Variants in TNNI3K observed in about 807,000 individuals in gnomAD.
TNNI3K encodes the protein TNNI3 interacting kinase, also known as serine/threonine-protein kinase TNNI3K.
In TNNI3K, 140 loss-of-function variants were observed where a neutral mutation model predicts 114.5. That is an observed-to-expected ratio of 1.22 (90% CI 1.07 to 1.41). The LOEUF is 1.41. TNNI3K is among the 40% of genes most tolerant of loss of function. The pLI is 0.00. For missense variants in TNNI3K, 1,125 were observed against 1,007.6 expected (o/e 1.12, Z -1.58); for synonymous variants, 347 against 347.5 (o/e 1.00, Z 0.02).
intron 11 of TNNI3K, chr1:74,366,796 T>C (rs1279191550): frequency 6.6e-6 from 1 of 152,188 alleles, no homozygotes; most frequent in Non-Finnish European, 1.5e-5. Flanking sequence ...ATTATCTTAG[T>C]GCTGCATAAT....
intron 5 of TNNI3K, among the ~76,000 whole-genome samples, chr1:74,318,886 C>T (rs954602531): frequency 1.1e-4 from 16 of 152,062 alleles, no homozygotes; most frequent in African/African-American, 3.4e-4. Context: ...ACAAGTAAGT[C>T]GTAAGTAACT....
chr1:74,413,219 TA>T (rs761846580), intron 17 of TNNI3K, among the ~76,000 whole-genome samples: 16 of 152,270 alleles, frequency 1.1e-4, no homozygotes, highest in South Asian at 6.2e-4. Context: ...CAGGCTCTTC[TA>T]AAAAGCATAG....
chr1:74,453,029 C>A (rs772207727), intron 20 of TNNI3K, among the ~76,000 whole-genome samples: 3 of 152,152 alleles, frequency 2.0e-5, no homozygotes, highest in Non-Finnish European at 4.4e-5. Context: ...TCCTCCTTAT[C>A]CCAAGTTACC....
intron 17 of TNNI3K, among the ~76,000 whole-genome samples, chr1:74,393,212 A>G (rs1663883540): frequency 6.6e-6 from 1 of 152,170 alleles, no homozygotes; most frequent in Non-Finnish European, 1.5e-5. Flanking sequence ...TCATTAAAGC[A>G]GTGGAGAAGG....
intron 5 of TNNI3K, among the ~76,000 whole-genome samples, chr1:74,272,339 A>C (rs1294013143): frequency 1.3e-5 from 2 of 151,920 alleles, no homozygotes; most frequent in African/African-American, 4.8e-5. Context: ...GAGTACCATA[A>C]AAATAATAAA....
At chr1:74,483,007 G>T (rs966597452) in intron 21 of TNNI3K, among the ~76,000 whole-genome samples, 3 of 152,148 alleles carry the variant, frequency 2.0e-5, no homozygotes, top group Non-Finnish European at 4.4e-5. Context: ...GTGTGTAGCT[G>T]GATAAAATGG....
chr1:74,312,580 C>A (rs978676776), intron 5 of TNNI3K, among the ~76,000 whole-genome samples: 1 of 152,012 alleles, frequency 6.6e-6, no homozygotes, highest in Non-Finnish European at 1.5e-5. Flanking sequence ...AACACAAAGC[C>A]GAGAGGAATT....
chr1:74,284,404 C>A (rs917831182), intron 5 of TNNI3K, among the ~76,000 whole-genome samples: 5 of 152,110 alleles, frequency 3.3e-5, no homozygotes, highest in African/African-American at 1.2e-4. Context: ...TTGCGGTGAC[C>A]CTTAAAGGCA....
intron 20 of TNNI3K, among the ~76,000 whole-genome samples, chr1:74,445,720 C>A (rs1341506381): frequency 6.7e-6 from 1 of 149,790 alleles, no homozygotes; most frequent in Non-Finnish European, 1.5e-5. Context: ...ATGCCATTCT[C>A]CTGCCTCAGC....
chr1:74,525,360 AG>A (rs1646489285), intron 23 of TNNI3K, among the ~76,000 whole-genome samples: 1 of 152,204 alleles, frequency 6.6e-6, no homozygotes, highest in South Asian at 2.1e-4. Flanking sequence ...GGTACAAAAA[AG>A]GAATGTGAGG....
chr1:74,287,434 G>T (rs1214337364), intron 5 of TNNI3K, among the ~76,000 whole-genome samples: 1 of 152,034 alleles, frequency 6.6e-6, no homozygotes, highest in Non-Finnish European at 1.5e-5. Flanking sequence ...AGAAATCAAA[G>T]ACAGAGAAAG....
chr1:74,531,317 A>G (rs1010311815), intron 23 of TNNI3K, among the ~76,000 whole-genome samples: 10 of 152,252 alleles, frequency 6.6e-5, no homozygotes, highest in Non-Finnish European at 1.2e-4. Context: ...CCAGGATGAA[A>G]CCATGAATAA....
At chr1:74,497,593 C>G (rs1024722288) in intron 23 of TNNI3K, among the ~76,000 whole-genome samples, 2 of 150,200 alleles carry the variant, frequency 1.3e-5, no homozygotes, top group African/African-American at 2.5e-5. Flanking sequence ...TACACATGCA[C>G]ACACACACAT....
intron 4 of TNNI3K, among the ~76,000 whole-genome samples, chr1:74,265,885 A>G (rs1570393374): frequency 9.9e-6 from 1 of 100,814 alleles, no homozygotes; most frequent in East Asian, 3.0e-4. Context: ...AAACATATGT[A>G]CATAGGACAA....
intron 4 of TNNI3K, among the ~76,000 whole-genome samples, chr1:74,263,176 G>A (rs934087098): frequency 5.3e-5 from 8 of 152,016 alleles, no homozygotes; most frequent in African/African-American, 1.7e-4. Flanking sequence ...TCATTGTCAT[G>A]TAAAAATGTA....
chr1:74,262,089 G>A (rs1655711546), intron 4 of TNNI3K, among the ~76,000 whole-genome samples: 1 of 151,694 alleles, frequency 6.6e-6, no homozygotes, highest in Admixed American at 6.6e-5. Flanking sequence ...ACATATATTT[G>A]ATTGCAAAGT....
chr1:74,280,067 G>T (rs1434913682), intron 5 of TNNI3K, among the ~76,000 whole-genome samples: 1 of 152,020 alleles, frequency 6.6e-6, no homozygotes, highest in African/African-American at 2.4e-5. Flanking sequence ...TGATCACAGT[G>T]CCTGGTTTTA....
At chr1:74,309,610 A>C (rs537149875) in intron 5 of TNNI3K, among the ~76,000 whole-genome samples, 11 of 152,252 alleles carry the variant, frequency 7.2e-5, no homozygotes, top group African/African-American at 2.6e-4. Flanking sequence ...ATAAATCACC[A>C]CAACAAAATG....
At chr1:74,400,749 A>C (rs1028712234) in intron 17 of TNNI3K, among the ~76,000 whole-genome samples, 1 of 152,154 alleles carries the variant, frequency 6.6e-6, no homozygotes, top group African/African-American at 2.4e-5. Flanking sequence ...CATCCTAAAC[A>C]TTACTGGTGA....
Sources: gnomAD v4.1 joint callset for allele counts (sites outside exome capture counted in the v4.1 genomes callset) on GRCh38, gnomAD v4.1.1 for gene constraint, MANE v1.5 for transcripts, NCBI Gene and HGNC (gene_info 2026-07-23, HGNC 2026-07-21) for gene names.